The following PDPR variants were observed in gnomAD, a reference collection of about 807,000 sequenced individuals.
PDPR encodes pyruvate dehydrogenase phosphatase regulatory subunit, also known as pyruvate dehydrogenase phosphatase regulatory subunit, mitochondrial.
Under a neutral mutation model 102.2 loss-of-function variants are expected in PDPR, and 50 were observed. The observed-to-expected ratio is 0.49, with a 90% CI of 0.39 to 0.62. The LOEUF (loss-of-function observed/expected upper bound fraction) is 0.62, where lower values mean the gene tolerates loss of function less well. Ranked by LOEUF, PDPR falls within the 20% of genes least tolerant of loss-of-function variation. The probability of loss-of-function intolerance (pLI) is 0.00; values close to 1 mark genes in which losing one functional copy is unlikely to be tolerated. For missense variants in PDPR, 625 were observed against 1,098.2 expected (o/e 0.57, Z 6.09); for synonymous variants, 259 against 406.0 (o/e 0.64, Z 4.35).
rs1360715025 is a variant in PDPR at position 70,157,062 on chromosome 16, C to T, written c.*183C>T. The T allele has an allele frequency of 2.2e-5, 18 of 826,274 alleles. No individual in the cohort carries two copies. The highest frequency in any genetic ancestry group is 3.2e-5 in the Non-Finnish European group (16 of 500,224). 51.2% of individuals were successfully genotyped at this position (826,274 alleles called of 1,614,324 possible). A position where few individuals can be genotyped will look rare whatever the true frequency, so the allele number is the denominator to read the frequency against. On this transcript the variant is annotated 3_prime_UTR_variant, in exon 19 of 19. Coordinates refer to ENST00000288050, the MANE Select transcript of PDPR (RefSeq NM_017990.5). Reference sequence around the variant, plus strand: ...TTTTTGCTCTGCAGCCTTCCTTGCCCTTCCACCTCCTCCTCCTAATATTCA... The same window carrying T: ...TTTTTGCTCTGCAGCCTTCCTTGCCTTTCCACCTCCTCCTCCTAATATTCA...
rs1286920707 is a variant in PDPR, at chr16:70,132,154, T to C, written c.851T>C (p.Ile284Thr). 6.2e-7 allele frequency: 1 copy of C among 1,608,574 alleles called. No individual in the cohort carries two copies. The highest frequency in any genetic ancestry group is 1.3e-5 in the African/African-American group (1 of 74,856). ...ETPLQSSTPT[I>T]VDADGRIYIR... ...CCATGTCATTTCTCCACCTCAGCTA[T>C]TGTGGATGCTGATGGAAGAATTTAT... The change falls in exon 9 of 19, where the codon ATT becomes ACT. Residue 284 changes from isoleucine (I) to threonine (T), a missense_variant. By Grantham distance (89) the Ile-to-Thr change is moderately conservative. This residue lies in a region of PDPR where 16 missense variants were observed against 93.0 expected (regional missense o/e 0.17). Transcript: ENST00000288050.
intron 17 of PDPR, among the ~76,000 whole-genome samples, 162 bp from the exon 18 acceptor site, chr16:70,153,229 C>G (rs548115720): frequency 1.8e-3 from 272 of 152,280 alleles, no homozygotes; most frequent in Middle Eastern, 0.01. Flanking sequence ...GCTCATCACT[C>G]CTGGGCTGTG....
At chr16:70,143,399 T>C (rs1408259011) in intron 13 of PDPR, 111 bp from the exon 14 acceptor site, 92 of 1,338,034 alleles carry the variant, frequency 6.9e-5, no homozygotes, top group Admixed American at 6.6e-4. Context: ...TGTTGTCACA[T>C]GGGAATTGGC....
At chr16:70,132,845 C>T (rs2152083826) in intron 9 of PDPR, among the ~76,000 whole-genome samples, 1 of 152,364 alleles carries the variant, frequency 6.6e-6, no homozygotes, top group East Asian at 1.9e-4. Context: ...TGGCGTCTTG[C>T]CCTGTCACCT....
intron 18 of PDPR, 80 bp from the exon 19 acceptor site, chr16:70,156,395 G>C (rs1050919513): frequency 2.2e-4 from 333 of 1,534,410 alleles, no homozygotes; most frequent in Middle Eastern, 7.3e-4. Flanking sequence ...GTGACACCAG[G>C]GGACCCTTCC....
At chr16:70,125,583 A>ATG (rs1963878684) in intron 3 of PDPR, among the ~76,000 whole-genome samples, 1 of 149,372 alleles carries the variant, frequency 6.7e-6, no homozygotes. Context: ...AAGTATATAT[A>ATG]TATATATGTA....
At chr16:70,147,332 T>C (rs1252934877) in intron 16 of PDPR, among the ~76,000 whole-genome samples, 2 of 152,174 alleles carry the variant, frequency 1.3e-5, no homozygotes, top group Admixed American at 6.6e-5. Context: ...AAAGTCTTTA[T>C]GCTTTTTGGT....
At chr16:70,155,802 C>CTTTT (rs60054362) in intron 18 of PDPR, among the ~76,000 whole-genome samples, 3,150 of 139,256 alleles carry the variant, frequency 0.023, 51 homozygotes, top group African/African-American at 0.08. Context: ...ATAAAAAAGT[C>CTTTT]TTTTTTTTTT....
At chr16:70,120,388 T>C in intron 2 of PDPR, 73 bp from the exon 3 acceptor site, 1 of 790,434 alleles carries the variant, frequency 1.3e-6, no homozygotes. Context: ...TATCGTTCTT[T>C]GTCAAATCCC....
chr16:70,115,846 T>C (rs1880481728), intron 2 of PDPR, among the ~76,000 whole-genome samples: 1 of 152,120 alleles, frequency 6.6e-6, no homozygotes, highest in Non-Finnish European at 1.5e-5. Flanking sequence ...GTGCTTCATT[T>C]CTGTCTTTGA....
At chr16:70,152,941 C>G (rs371832871) in intron 17 of PDPR, among the ~76,000 whole-genome samples, 1 of 152,398 alleles carries the variant, frequency 6.6e-6, no homozygotes, top group Admixed American at 6.5e-5. Flanking sequence ...CGTGTGAGAG[C>G]TGGGCCTCAC....
chr16:70,143,449 C>A lies in PDPR; in HGVS notation c.1606-61C>A. ...CAATGAGGTTCATTGCTGGTGGGGC[C>A]ATGTGGCCCAGCCAGGTGCTCTCAC... On this transcript the variant is annotated intron_variant, in intron 13 of 18. Coordinates refer to ENST00000288050, the MANE Select transcript of PDPR (RefSeq NM_017990.5). 3 of 1,583,974 alleles carry A rather than the reference C, an allele frequency of 1.9e-6. No individual in the cohort carries two copies. In the South Asian group the frequency reaches 3.4e-5, roughly 18 times the overall value.
At chr16:70,116,038 T>C (rs1158791157) in intron 2 of PDPR, among the ~76,000 whole-genome samples, 2 of 149,810 alleles carry the variant, frequency 1.3e-5, no homozygotes, top group East Asian at 1.9e-4. Context: ...CTTCACTCTT[T>C]TGAAGGTCAT....
At chr16:70,120,841 A>C in intron 3 of PDPR, 122 bp downstream of exon 3, 3 of 661,896 alleles carry the variant, frequency 4.5e-6, no homozygotes, top group Non-Finnish European at 8.0e-6. Flanking sequence ...GCATGAGAAG[A>C]AGCAAGGTGG....
chr16:70,156,425 C>T (rs56206146), intron 18 of PDPR, 50 bp from the exon 19 acceptor site: 617 of 1,596,850 alleles, frequency 3.9e-4, no homozygotes, highest in Non-Finnish European at 4.9e-4. Flanking sequence ...GCTCTCTGTG[C>T]CGAGGGTCTG....
At chr16:70,134,654 C>T (rs1050918886) in intron 9 of PDPR, among the ~76,000 whole-genome samples, 9 of 151,662 alleles carry the variant, frequency 5.9e-5, no homozygotes, top group South Asian at 2.1e-4. Flanking sequence ...GATGTGGTGG[C>T]GCACACCTGT....
intron 17 of PDPR, among the ~76,000 whole-genome samples, chr16:70,151,852 C>T (rs1567559896): frequency 6.6e-6 from 1 of 152,258 alleles, no homozygotes. Flanking sequence ...GGCAGATTCT[C>T]GTTTTGTTCA....
chr16:70,122,834 T>C (rs561548785), intron 3 of PDPR, among the ~76,000 whole-genome samples: 1 of 103,774 alleles, frequency 9.6e-6, no homozygotes, highest in Admixed American at 1.0e-4. Flanking sequence ...TTTACTCAGT[T>C]ATATATCTGT....
intron 10 of PDPR, among the ~76,000 whole-genome samples, chr16:70,137,643 T>G (rs1362175744): frequency 1.3e-5 from 2 of 152,274 alleles, no homozygotes; most frequent in African/African-American, 4.8e-5. Flanking sequence ...TACTTACAAA[T>G]GGGTAAGATG....
Sources: gnomAD v4.1 joint callset for allele counts (sites outside exome capture counted in the v4.1 genomes callset) on GRCh38, gnomAD v4.1.1 for gene constraint, gnomAD v4.1.1 regional missense constraint, MANE v1.5 for transcripts, NCBI Gene and HGNC (gene_info 2026-07-23, HGNC 2026-07-21) for gene names.